The following CSMD3 variants were observed in gnomAD, a reference collection of about 807,000 sequenced individuals.
The protein encoded by CSMD3 is CUB and sushi domain-containing protein 3.
In CSMD3, 177 loss-of-function variants were observed where a neutral mutation model predicts 435.2. The ratio of observed to expected loss-of-function variants is 0.41; its 90% confidence interval spans 0.36 to 0.46. The LOEUF (loss-of-function observed/expected upper bound fraction) is 0.46, where lower values mean the gene tolerates loss of function less well. Ranked by LOEUF, CSMD3 falls within the 20% of genes least tolerant of loss-of-function variation. The pLI, the probability that CSMD3 is intolerant of heterozygous loss-of-function variation, is 0.34. For missense variants in CSMD3, 4,265 were observed against 4,504.6 expected, an observed-to-expected ratio of 0.95 and a Z score of 1.52; for synonymous variants, 1,656 against 1,520.5, an observed-to-expected ratio of 1.09 and a Z score of -2.07.
At chr8:112,366,453 A>C (rs1364084695) in intron 38 of CSMD3, among the ~76,000 whole-genome samples, 1 of 152,184 alleles carries the variant, frequency 6.6e-6, no homozygotes, top group African/African-American at 2.4e-5. Flanking sequence ...GCTGGAGTGC[A>C]ATGGCACAAT....
At chr8:112,351,137 A>G in intron 40 of CSMD3, 38 bp downstream of exon 40, 2 of 1,230,796 alleles carry the variant, frequency 1.6e-6, no homozygotes, top group Non-Finnish European at 2.4e-6. Context: ...TTTACACTTT[A>G]AGTTCTAGGG....
chr8:113,346,417 T>G (rs1396229594), intron 1 of CSMD3, among the ~76,000 whole-genome samples: 2 of 152,146 alleles, frequency 1.3e-5, no homozygotes, highest in Non-Finnish European at 2.9e-5. Context: ...CAATTAAAAT[T>G]GAGGAATCAA....
At chr8:112,282,367 T>C (rs1818741102) in intron 58 of CSMD3, among the ~76,000 whole-genome samples, 2 of 151,956 alleles carry the variant, frequency 1.3e-5, no homozygotes, top group Admixed American at 1.3e-4. Context: ...AAACAGACAT[T>C]TTTACTTTGT....
intron 23 of CSMD3, among the ~76,000 whole-genome samples, chr8:112,584,854 A>G (rs1246803881): frequency 2.0e-5 from 3 of 151,538 alleles, no homozygotes; most frequent in African/African-American, 7.2e-5. Flanking sequence ...ATTGTAAAGT[A>G]CTGGAGATGG....
At chr8:112,236,762 C>T (rs1813631016) in intron 67 of CSMD3, among the ~76,000 whole-genome samples, 3 of 152,072 alleles carry the variant, frequency 2.0e-5, no homozygotes, top group Admixed American at 6.6e-5. Context: ...ACAAGTGTAG[C>T]TCTATCTTTA....
intron 7 of CSMD3, among the ~76,000 whole-genome samples, chr8:112,961,345 CT>C (rs1479037036): frequency 6.6e-6 from 1 of 151,770 alleles, no homozygotes; most frequent in Non-Finnish European, 1.5e-5. Flanking sequence ...CTCTCCAAAA[CT>C]TTGATCAAAA....
At chr8:113,331,955 A>G (rs1003725153) in intron 1 of CSMD3, among the ~76,000 whole-genome samples, 7 of 151,892 alleles carry the variant, frequency 4.6e-5, no homozygotes, top group African/African-American at 1.7e-4. Flanking sequence ...AAAAATAAAT[A>G]AAATGCAACC....
rs560824779 is a variant in CSMD3 at position 112,255,034 on chromosome 8, A to G, written c.10036+220T>C. 3.1e-3 allele frequency among the ~76,000 whole-genome samples: 471 copies of G among 152,244 alleles called. 3 individuals are homozygous for G. The highest frequency in any genetic ancestry group is 0.011 in the African/African-American group (452 of 41,564). On this transcript the variant is annotated intron_variant, in intron 62 of 70. Coordinates refer to ENST00000297405, the MANE Select transcript of CSMD3 (RefSeq NM_198123.2). Reference sequence around the variant, plus strand: ...TTTATTTTTCATTTTACTGATATACAACAAAATTCTTTCAAGTGTTTCTTC... The same window carrying G: ...TTTATTTTTCATTTTACTGATATACGACAAAATTCTTTCAAGTGTTTCTTC...
chr8:112,944,480 C>G (rs191430904), intron 9 of CSMD3, among the ~76,000 whole-genome samples: 70 of 151,802 alleles, frequency 4.6e-4, no homozygotes, highest in Non-Finnish European at 6.3e-4. Context: ...TCTTGAATCT[C>G]TAAAAAGAAA....
At chr8:113,077,931 G>T (rs1449882055) in intron 5 of CSMD3, among the ~76,000 whole-genome samples, 2 of 152,094 alleles carry the variant, frequency 1.3e-5, no homozygotes, top group East Asian at 3.9e-4. Flanking sequence ...TATAGTATAG[G>T]AAAATTAAAT....
chr8:112,561,825 C>T (rs1828651220), intron 24 of CSMD3, among the ~76,000 whole-genome samples: 2 of 151,452 alleles, frequency 1.3e-5, no homozygotes, highest in Admixed American at 1.3e-4. Flanking sequence ...AATTCTGTGG[C>T]TTCATTTATT....
intron 1 of CSMD3, among the ~76,000 whole-genome samples, chr8:113,337,998 T>G (rs1406581082): frequency 6.6e-6 from 1 of 151,842 alleles, no homozygotes; most frequent in African/African-American, 2.4e-5. Flanking sequence ...GTGAAAGAAA[T>G]AACCCACAGA....
rs192982687 is a variant in CSMD3 at position 112,287,282 on chromosome 8, A to G, written c.9149-36T>C. Reference sequence around the variant, plus strand: ...GTACAGTTCAAGTTAACCAATTCCCATAAACATTTATTAAGTTTACCAGTT... The same window carrying G: ...GTACAGTTCAAGTTAACCAATTCCCGTAAACATTTATTAAGTTTACCAGTT... On this transcript the variant is annotated intron_variant, in intron 57 of 70. Coordinates refer to ENST00000297405, the MANE Select transcript of CSMD3 (RefSeq NM_198123.2). The G allele has an allele frequency of 8.8e-5, 142 of 1,605,386 alleles. No individual in the cohort carries two copies. The African/African-American group carries it at 9.6e-4, about 11-fold the overall frequency.
intron 27 of CSMD3, among the ~76,000 whole-genome samples, chr8:112,523,007 G>A (rs530742463): frequency 2.0e-5 from 3 of 151,942 alleles, no homozygotes; most frequent in African/African-American, 2.4e-5. Flanking sequence ...AAGAAAACAC[G>A]CCGGTTTTCT....
At chr8:112,387,778 C>T (rs187272146) in intron 36 of CSMD3, among the ~76,000 whole-genome samples, 1 of 152,236 alleles carries the variant, frequency 6.6e-6, no homozygotes, top group Admixed American at 6.5e-5. Flanking sequence ...TGATATATAA[C>T]ACAGTTTTTC....
chr8:113,033,569 A>ATTTTTTTTTTTTTTTTTTTTTTTT (rs1285513451), intron 5 of CSMD3, among the ~76,000 whole-genome samples: 1 of 106,832 alleles, frequency 9.4e-6, no homozygotes, highest in Non-Finnish European at 2.1e-5. Context: ...TTTGATTTTG[A>ATTTTTTTTTTTTTTTTTTTTTTTT]TTTTTTTTTT....
At chr8:112,538,905 A>C (rs1295649440) in intron 27 of CSMD3, 2 of 152,368 alleles carry the variant, frequency 1.3e-5, no homozygotes, top group African/African-American at 4.8e-5. Flanking sequence ...GCCACAAAGA[A>C]GATGAAAACC....
At chr8:112,898,644 T>C (rs1445909838) in intron 10 of CSMD3, among the ~76,000 whole-genome samples, 1 of 151,256 alleles carries the variant, frequency 6.6e-6, no homozygotes, top group African/African-American at 2.4e-5. Context: ...TAAAATAAAA[T>C]AAAATTCAAA....
intron 4 of CSMD3, among the ~76,000 whole-genome samples, chr8:113,159,312 T>G (rs1241651823): frequency 1.3e-5 from 2 of 151,966 alleles, no homozygotes; most frequent in African/African-American, 4.8e-5. Context: ...CATATAAATA[T>G]GTGTTTGTGC....
Sources: allele counts gnomAD v4.1 joint callset (sites outside exome capture counted in the v4.1 genomes callset), GRCh38; gene constraint gnomAD v4.1.1; transcripts MANE v1.5; gene names NCBI Gene and HGNC (gene_info 2026-07-23, HGNC 2026-07-21).